ANKH: variants seen among roughly 807,000 people sequenced by gnomAD.
ANKH encodes ANKH inorganic pyrophosphate transport regulator.
A neutral mutation model predicts 49.0 loss-of-function variants in ANKH; 15 were observed. That is an observed-to-expected ratio of 0.31 (90% CI 0.20 to 0.47). The LOEUF (loss-of-function observed/expected upper bound fraction) is 0.47, where lower values mean the gene tolerates loss of function less well. Among genes scored for constraint, ANKH ranks in the 20% least tolerant of loss-of-function variants. The pLI is 1.00. For missense variants in ANKH, 429 were observed against 652.0 expected (o/e 0.66, Z 3.72); for synonymous variants, 273 against 260.0 (o/e 1.05, Z -0.48).
intron 1 of ANKH, among the ~76,000 whole-genome samples, chr5:14,856,360 C>T (rs896920035): frequency 2.0e-5 from 3 of 152,168 alleles, no homozygotes; most frequent in Non-Finnish European, 2.9e-5. Context: ...TTTCAAAGCA[C>T]GTTTGCATCC....
intron 1 of ANKH, among the ~76,000 whole-genome samples, chr5:14,834,642 G>A (rs1741602905): frequency 6.6e-6 from 1 of 152,108 alleles, no homozygotes; most frequent in African/African-American, 2.4e-5. Context: ...TTAGCCAGGT[G>A]TGGTGGTACA....
At chr5:14,838,520 T>C (rs1454319533) in intron 1 of ANKH, among the ~76,000 whole-genome samples, 1 of 152,096 alleles carries the variant, frequency 6.6e-6, no homozygotes, top group Non-Finnish European at 1.5e-5. Flanking sequence ...TCAAGGGGTA[T>C]GTATGTCCTT....
Position 14,758,660 on chromosome 5 carries a change from T to C in ANKH, c.314-62A>G, listed in dbSNP as rs183941292. On this transcript the variant is annotated intron_variant, in intron 2 of 11. Transcript: ENST00000284268. ...GAAAAGGATATCTTTATATTCTTTT[T>C]GTTTCAAAAGCTTAAAAACAATTTT... 1.2e-4 allele frequency: 148 copies of C among 1,229,566 alleles called. No homozygotes were observed. The Admixed American group carries it at 2.5e-3, about 21-fold the overall frequency. The allele number at this position is 1,229,566 out of a possible 1,614,324, so 76.2% of individuals were successfully genotyped here.
intron 2 of ANKH, among the ~76,000 whole-genome samples, chr5:14,760,274 T>C (rs1739034999): frequency 6.6e-6 from 1 of 151,990 alleles, no homozygotes; most frequent in Non-Finnish European, 1.5e-5. Context: ...GCAAGGGACA[T>C]GGATGGAAGG....
chr5:14,862,637 G>C (rs1458069175), intron 1 of ANKH, among the ~76,000 whole-genome samples: 1 of 152,196 alleles, frequency 6.6e-6, no homozygotes, highest in African/African-American at 2.4e-5. Context: ...CATGTCCACA[G>C]ACTTACTGCT....
rs370646062 is a variant in ANKH, at chr5:14,751,280, C to T, written c.517-41G>A. 54 of 1,602,272 alleles carry T rather than the reference C, an allele frequency of 3.4e-5. No homozygotes were observed. The African/African-American group carries it at 3.5e-4, about 10-fold the overall frequency. On this transcript the variant is annotated intron_variant, in intron 4 of 11. Transcript: ENST00000284268. ...ACGGGAACAGGTCAGAGGGGAGAAG[C>T]GGGAACCGACTGACAGAAGCACAGG...
intron 8 of ANKH, chr5:14,724,441 T>C (rs1359845800): frequency 2.0e-6 from 1 of 511,680 alleles, no homozygotes; most frequent in Non-Finnish European, 2.5e-6. Flanking sequence ...TGTGTATCAA[T>C]GGGCTAAGTC....
At chr5:14,820,047 C>G (rs772688364) in intron 1 of ANKH, among the ~76,000 whole-genome samples, 33 of 151,982 alleles carry the variant, frequency 2.2e-4, no homozygotes, top group Non-Finnish European at 4.3e-4. Context: ...AGATCTCACT[C>G]CTGTAGAAAT....
intron 8 of ANKH, among the ~76,000 whole-genome samples, chr5:14,735,060 A>G (rs1406947088): frequency 1.3e-5 from 2 of 152,236 alleles, no homozygotes. Flanking sequence ...TAAAAAGCAG[A>G]AGAAAAACAA....
chr5:14,755,811 G>C (rs777692234), intron 4 of ANKH, 50 bp downstream of exon 4: 22 of 1,533,504 alleles, frequency 1.4e-5, no homozygotes, highest in Non-Finnish European at 2.0e-5. Flanking sequence ...AGTTACACAC[G>C]CCAGAAGGGG....
chr5:14,722,622 AAGTAC>A (rs1326325120), intron 8 of ANKH, among the ~76,000 whole-genome samples: 2 of 152,214 alleles, frequency 1.3e-5, no homozygotes, highest in Non-Finnish European at 2.9e-5. Context: ...GCAACAAAAT[AAGTAC>A]AGTATTGAAT....
intron 8 of ANKH, among the ~76,000 whole-genome samples, chr5:14,730,864 C>A (rs1737976735): frequency 6.6e-6 from 1 of 152,170 alleles, no homozygotes; most frequent in Non-Finnish European, 1.5e-5. Context: ...GGATGAGGGG[C>A]ACTGTAAATA....
rs549127825 is a variant in ANKH, at chr5:14,712,508, C to T, written c.1365+366G>A. On this transcript the variant is annotated intron_variant, in intron 11 of 11. Transcript: ENST00000284268. The stretch of plus-strand genomic sequence containing the variant: ...TGCCCAGTCCTTGTGTGCACAGCCA[C>T]ATTGGTATCACTGTCCCCTCTCCCA... 2.6e-5 allele frequency among the ~76,000 whole-genome samples: 4 copies of T among 152,400 alleles called. No individual in the cohort carries two copies. The South Asian group carries it at 8.3e-4, about 32-fold the overall frequency.
intron 1 of ANKH, chr5:14,797,621 G>C: frequency 1.9e-6 from 3 of 1,604,366 alleles, no homozygotes; most frequent in Non-Finnish European, 2.6e-6. Flanking sequence ...TGGAAGTATT[G>C]TTTGAACGAG....
rs766422908 is a variant in ANKH at position 14,751,185 on chromosome 5, G to T, written c.571C>A (p.Leu191Ile). The change falls in exon 5 of 12, where the codon CTC becomes ATC. Residue 191 changes from leucine to isoleucine, a missense_variant. Coordinates refer to ENST00000284268, the MANE Select transcript of ANKH (RefSeq NM_054027.6). ...ATGTACAAGGAGAGGATCGGGATGA[G>T]CAGGGGCTCCCGGCATTCCAGGTGA... ...HSHLECREPL[L>I]IPILSLYMGA... The T allele has an allele frequency of 6.2e-7, 1 of 1,614,218 alleles. No homozygotes were observed. The highest frequency in any genetic ancestry group is 8.5e-7 in the Non-Finnish European group (1 of 1,180,040).
intron 1 of ANKH, chr5:14,868,974 G>A (rs1445666548): frequency 6.6e-6 from 1 of 152,120 alleles, no homozygotes; most frequent in Admixed American, 6.5e-5. Flanking sequence ...TCCATCTTAG[G>A]ATTTGTAAAT....
chr5:14,766,135 T>C (rs1225945174), intron 2 of ANKH, among the ~76,000 whole-genome samples: 1 of 152,100 alleles, frequency 6.6e-6, no homozygotes, highest in Non-Finnish European at 1.5e-5. Context: ...CTCATGCCTG[T>C]AATCCCAGCA....
intron 1 of ANKH, among the ~76,000 whole-genome samples, chr5:14,830,708 T>G (rs1341552783): frequency 6.6e-6 from 1 of 152,184 alleles, no homozygotes; most frequent in Non-Finnish European, 1.5e-5. Context: ...GTATGTCTAT[T>G]TTCCCAAACT....
chr5:14,805,293 C>G (rs1476591164), intron 1 of ANKH, among the ~76,000 whole-genome samples: 1 of 151,608 alleles, frequency 6.6e-6, no homozygotes, highest in Non-Finnish European at 1.5e-5. Flanking sequence ...CGGACTGGCT[C>G]TCCTTGCTCC....
Sources: gnomAD v4.1 joint callset for allele counts (sites outside exome capture counted in the v4.1 genomes callset) on GRCh38, gnomAD v4.1.1 for gene constraint, MANE v1.5 for transcripts, NCBI Gene and HGNC (gene_info 2026-07-23, HGNC 2026-07-21) for gene names.